Variants in TLL1 observed in about 807,000 individuals in gnomAD.
TLL1 encodes the protein tolloid like 1, also known as tolloid-like protein 1.
A neutral mutation model predicts 128.2 loss-of-function variants in TLL1; 49 were observed. The ratio of observed to expected loss-of-function variants is 0.38; its 90% CI spans 0.30 to 0.48. The LOEUF is 0.48. Ranked by LOEUF, TLL1 falls within the 20% of genes least tolerant of loss-of-function variation. The pLI is 0.96. For synonymous variants in TLL1, 454 were observed against 418.8 expected (o/e 1.08, Z -1.03); for missense variants, 1,123 against 1,242.0 (o/e 0.90, Z 1.44).
chr4:165,943,568 C>T (rs1259952810), intron 1 of TLL1, among the ~76,000 whole-genome samples: 1 of 151,994 alleles, frequency 6.6e-6, no homozygotes, highest in Non-Finnish European at 1.5e-5. Flanking sequence ...CTTTAAAATA[C>T]TCATGCCAGG....
chr4:166,083,039 T>G (rs1741363148), intron 18 of TLL1, among the ~76,000 whole-genome samples: 1 of 152,096 alleles, frequency 6.6e-6, no homozygotes, highest in Non-Finnish European at 1.5e-5. Flanking sequence ...CTTGAGAAAT[T>G]ATGAAATATT....
At chr4:166,063,447 T>C (rs1405700634) in intron 15 of TLL1, among the ~76,000 whole-genome samples, 2 of 152,140 alleles carry the variant, frequency 1.3e-5, no homozygotes, top group Non-Finnish European at 2.9e-5. Context: ...TCCTCAAGGA[T>C]CTAGAACTAG....
At chr4:165,885,713 A>G (rs1210923914) in intron 1 of TLL1, among the ~76,000 whole-genome samples, 4 of 152,174 alleles carry the variant, frequency 2.6e-5, no homozygotes, top group Non-Finnish European at 5.9e-5. Flanking sequence ...GTTCAGTCGG[A>G]TGTTTTTTCA....
intron 1 of TLL1, among the ~76,000 whole-genome samples, chr4:165,946,878 T>C (rs1483733143): frequency 6.6e-6 from 1 of 151,962 alleles, no homozygotes; most frequent in African/African-American, 2.4e-5. Context: ...GAGGAACATG[T>C]GATTGGAAAC....
Position 166,055,401 on chromosome 4 carries a change from G to C in TLL1, c.1720+130G>C, listed in dbSNP as rs1739957488. The C allele has an allele frequency of 5.0e-6, 4 of 804,142 alleles. No individual in the cohort carries two copies. The Admixed American group carries it at 9.1e-5, about 18-fold the overall frequency. 49.8% of individuals were successfully genotyped at this position (804,142 alleles called of 1,614,324 possible). On this transcript the variant is annotated intron_variant, in intron 13 of 20. Coordinates refer to ENST00000061240, the MANE Select transcript of TLL1 (RefSeq NM_012464.5). ...AATATGAATAAGGATATTTTGGAGA[G>C]TTTCGATAGAAAAGGTTATTAATAA...
chr4:165,925,897 C>T (rs1733247548), intron 1 of TLL1, among the ~76,000 whole-genome samples: 1 of 152,186 alleles, frequency 6.6e-6, no homozygotes, highest in South Asian at 2.1e-4. Context: ...TTACTGAAGG[C>T]TCAAATGACT....
chr4:166,024,728 G>A (rs1460991106), intron 8 of TLL1, among the ~76,000 whole-genome samples: 7 of 151,656 alleles, frequency 4.6e-5, no homozygotes, highest in African/African-American at 9.7e-5. Flanking sequence ...AACCTCAACC[G>A]AGAAAAGTAA....
chr4:166,098,333 T>TTA (rs1742121862), intron 19 of TLL1, among the ~76,000 whole-genome samples: 1 of 10,282 alleles, frequency 9.7e-5, no homozygotes, highest in African/African-American at 3.1e-4. Flanking sequence ...AGAGTTCTTC[T>TTA]CAAAAAAAAA....
chr4:165,882,297 A>G (rs1730998425), intron 1 of TLL1, among the ~76,000 whole-genome samples: 1 of 152,180 alleles, frequency 6.6e-6, no homozygotes, highest in African/African-American at 2.4e-5. Context: ...TGAAGAAAAC[A>G]TATTATTATT....
intron 10 of TLL1, among the ~76,000 whole-genome samples, chr4:166,040,102 G>A (rs182169687): frequency 1.5e-4 from 23 of 152,176 alleles, no homozygotes; most frequent in Admixed American, 5.9e-4. Flanking sequence ...TTAAAGGTGA[G>A]AGCTGTTTGG....
chr4:166,028,174 A>G (rs1417092954), intron 9 of TLL1, among the ~76,000 whole-genome samples: 2 of 152,054 alleles, frequency 1.3e-5, no homozygotes, highest in African/African-American at 4.8e-5. Context: ...TCCAAAGCAG[A>G]CACTGAAGGC....
chr4:165,968,614 T>G (rs1735498234), intron 1 of TLL1, among the ~76,000 whole-genome samples: 1 of 152,162 alleles, frequency 6.6e-6, no homozygotes, highest in Non-Finnish European at 1.5e-5. Context: ...AAGTATTGAC[T>G]TTTTCCCAGA....
chr4:165,874,139 G>T, intron 1 of TLL1, 66 bp downstream of exon 1: 1 of 1,585,808 alleles, frequency 6.3e-7, no homozygotes, highest in Non-Finnish European at 8.6e-7. Flanking sequence ...TCCCATGGGT[G>T]GCGGTGGGAG....
At chr4:165,985,054 A>T (rs532085795) in intron 1 of TLL1, among the ~76,000 whole-genome samples, 223 of 152,154 alleles carry the variant, frequency 1.5e-3, no homozygotes, top group African/African-American at 5.0e-3. Context: ...CAAAATGTGT[A>T]TATTGAAGAC....
At chr4:166,072,183 A>G (rs1180588231) in intron 16 of TLL1, among the ~76,000 whole-genome samples, 4 of 152,024 alleles carry the variant, frequency 2.6e-5, no homozygotes, top group African/African-American at 9.7e-5. Flanking sequence ...ACTCATAAGT[A>G]TATTCTAGCC....
intron 9 of TLL1, among the ~76,000 whole-genome samples, chr4:166,036,789 CTGTGTGTGTG>C (rs3047083): frequency 5.2e-4 from 76 of 145,222 alleles, no homozygotes; most frequent in East Asian, 3.0e-3. Context: ...CCCTATCCAA[CTGTGTGTGTG>C]TGTGTGTGTG....
chr4:166,017,359 T>A (rs565426195), intron 8 of TLL1, among the ~76,000 whole-genome samples: 1 of 152,302 alleles, frequency 6.6e-6, no homozygotes, highest in African/African-American at 2.4e-5. Context: ...CCAGGTTGAT[T>A]CCATGGCCTT....
chr4:165,929,956 CT>C (rs34185025), intron 1 of TLL1, among the ~76,000 whole-genome samples: 11 of 151,526 alleles, frequency 7.3e-5, no homozygotes, highest in African/African-American at 2.4e-4. Flanking sequence ...TTGGCAAACT[CT>C]TTTTTTTTCC....
Position 166,060,137 on chromosome 4 carries a change from C to G in TLL1, c.1956C>G (p.Thr652=). ...GTGTGTGGCAAGTGGTTGCACCAAC[C>G]CAGTACAGAATTTCTGTGAAGTTTG... ...KNCVWQVVAP[T]QYRISVKFEF... The change falls in exon 15 of 21, where the codon ACC becomes ACG. Residue 652 remains threonine, a synonymous_variant. Transcript: ENST00000061240. 6 of 1,613,626 alleles carry G rather than the reference C, an allele frequency of 3.7e-6. No individual in the cohort carries two copies. Among genetic ancestry groups the G allele is most frequent in the Non-Finnish European group, 5.1e-6 (6 of 1,179,870 alleles).
Sources: allele counts gnomAD v4.1 joint callset (sites outside exome capture counted in the v4.1 genomes callset), GRCh38; gene constraint gnomAD v4.1.1; transcripts MANE v1.5; gene names NCBI Gene and HGNC (gene_info 2026-07-23, HGNC 2026-07-21).